SORCS2: variants seen among roughly 807,000 people sequenced by gnomAD.
SORCS2 encodes VPS10 domain-containing receptor SorCS2.
In SORCS2, 100 loss-of-function variants were observed where a neutral mutation model predicts 141.6. The observed-to-expected ratio is 0.71, with a 90% CI of 0.60 to 0.83. The LOEUF is 0.83. SORCS2 is among the 40% of genes least tolerant of loss of function. SORCS2 has a pLI of 0.00. For synonymous variants in SORCS2, 789 were observed against 676.9 expected (o/e 1.17, Z -2.57); for missense variants, 1,646 against 1,560.2 (o/e 1.05, Z -0.93).
chr4:7,642,667 C>G (rs1720823132), intron 4 of SORCS2, among the ~76,000 whole-genome samples: 3 of 152,152 alleles, frequency 2.0e-5, no homozygotes, highest in Admixed American at 1.3e-4. Context: ...CTGAGTAACA[C>G]ACAGCTCCAA....
intron 5 of SORCS2, among the ~76,000 whole-genome samples, chr4:7,655,228 G>C (rs572835994): frequency 7.8e-6 from 1 of 128,860 alleles, no homozygotes; most frequent in African/African-American, 4.1e-5. Flanking sequence ...CACACACACA[G>C]TGCTAGCCTT....
At chr4:7,661,926 C>T (rs1018104046) in intron 6 of SORCS2, among the ~76,000 whole-genome samples, 4 of 152,088 alleles carry the variant, frequency 2.6e-5, no homozygotes, top group South Asian at 2.1e-4. Flanking sequence ...TGCCCAGGGC[C>T]GTACATGCTG....
At chr4:7,682,478 G>A (rs986676993) in intron 9 of SORCS2, among the ~76,000 whole-genome samples, 22 of 152,172 alleles carry the variant, frequency 1.4e-4, no homozygotes, top group African/African-American at 5.1e-4. Context: ...CTGGACCTGG[G>A]AGAACAGCTC....
intron 2 of SORCS2, 103 bp downstream of exon 2, chr4:7,396,458 C>T: frequency 8.2e-7 from 1 of 1,225,084 alleles, no homozygotes; most frequent in South Asian, 1.4e-5. Flanking sequence ...GTGGCAGCCC[C>T]TGTGAGTCAG....
chr4:7,521,586 G>A (rs1047169744), intron 2 of SORCS2, among the ~76,000 whole-genome samples: 8 of 152,128 alleles, frequency 5.3e-5, no homozygotes, highest in South Asian at 2.1e-4. Context: ...GCGCCACAGC[G>A]GTCTGTGTGT....
intron 1 of SORCS2, among the ~76,000 whole-genome samples, chr4:7,212,673 C>T (rs1197180898): frequency 6.6e-6 from 1 of 152,274 alleles, no homozygotes; most frequent in East Asian, 1.9e-4. Context: ...CTGAGGCCCC[C>T]TGGCCTACTT....
chr4:7,491,342 G>A (rs1165383683), intron 2 of SORCS2, among the ~76,000 whole-genome samples: 1 of 152,188 alleles, frequency 6.6e-6, no homozygotes, highest in Non-Finnish European at 1.5e-5. Context: ...CTGGGCTGGG[G>A]CACCCCACCC....
chr4:7,239,449 C>G (rs1293834726), intron 1 of SORCS2, among the ~76,000 whole-genome samples: 3 of 152,276 alleles, frequency 2.0e-5, no homozygotes, highest in African/African-American at 7.2e-5. Context: ...CTCTTCCTCT[C>G]TCTCTTGCTT....
intron 1 of SORCS2, among the ~76,000 whole-genome samples, chr4:7,380,112 G>A (rs1467857625): frequency 2.0e-5 from 3 of 151,988 alleles, no homozygotes; most frequent in Non-Finnish European, 4.4e-5. Flanking sequence ...GCCTCAGAAA[G>A]CCCGGAGATG....
intron 2 of SORCS2, among the ~76,000 whole-genome samples, chr4:7,449,815 C>T (rs1225499827): frequency 6.6e-6 from 1 of 152,188 alleles, no homozygotes; most frequent in Non-Finnish European, 1.5e-5. Flanking sequence ...ACTAGCCAGA[C>T]ATTTCTTCAT....
intron 2 of SORCS2, among the ~76,000 whole-genome samples, chr4:7,516,153 A>G (rs941419506): frequency 6.6e-6 from 1 of 152,182 alleles, no homozygotes; most frequent in African/African-American, 2.4e-5. Flanking sequence ...AGAGGTGGCT[A>G]GAGAGCTGGT....
intron 9 of SORCS2, among the ~76,000 whole-genome samples, chr4:7,676,437 T>C (rs1723117467): frequency 2.0e-5 from 3 of 152,200 alleles, no homozygotes; most frequent in African/African-American, 4.8e-5. Flanking sequence ...AGAATTTCCT[T>C]CTTGAGGAAA....
chr4:7,475,639 G>C (rs1267143163), intron 2 of SORCS2, among the ~76,000 whole-genome samples: 2 of 152,234 alleles, frequency 1.3e-5, no homozygotes, highest in Non-Finnish European at 2.9e-5. Context: ...AGAGGAATCA[G>C]AACTCGTGAC....
At chr4:7,474,972 C>T (rs1300403594) in intron 2 of SORCS2, among the ~76,000 whole-genome samples, 1 of 152,132 alleles carries the variant, frequency 6.6e-6, no homozygotes, top group Non-Finnish European at 1.5e-5. Context: ...ACATGACTGT[C>T]CCTGCTGTGT....
chr4:7,528,915 C>T (rs1397915814), intron 2 of SORCS2, among the ~76,000 whole-genome samples: 1 of 152,300 alleles, frequency 6.6e-6, no homozygotes, highest in East Asian at 1.9e-4. Context: ...TGCCCAGGTC[C>T]TTGGTACCCT....
intron 1 of SORCS2, among the ~76,000 whole-genome samples, chr4:7,349,631 G>A (rs1245924692): frequency 6.6e-6 from 1 of 152,190 alleles, no homozygotes; most frequent in African/African-American, 2.4e-5. Context: ...GTGAGGGCTT[G>A]GACAAAGTGA....
intron 3 of SORCS2, among the ~76,000 whole-genome samples, chr4:7,594,154 A>C (rs922298518): frequency 6.6e-6 from 1 of 152,206 alleles, no homozygotes; most frequent in Non-Finnish European, 1.5e-5. Flanking sequence ...CTAGGCTGTC[A>C]GGGCGAGAGC....
rs529664978 is a variant in SORCS2 at position 7,657,588 on chromosome 4, A to G, written c.887+3381A>G. 1.2e-3 allele frequency among the ~76,000 whole-genome samples: 188 copies of G among 152,342 alleles called. 1 individual carries two copies. The highest frequency in any genetic ancestry group is 4.3e-3 in the African/African-American group (178 of 41,580). ...GAGCAAGTAACTGACTGAATGAATG[A>G]ATGAGCGGGTGAGTGAGTGGGTGAG... On this transcript the variant is annotated intron_variant, in intron 5 of 26. Coordinates refer to ENST00000507866, the MANE Select transcript of SORCS2 (RefSeq NM_020777.3).
At chr4:7,599,672 C>T (rs575080298) in intron 3 of SORCS2, among the ~76,000 whole-genome samples, 15 of 152,208 alleles carry the variant, frequency 9.9e-5, no homozygotes, top group Admixed American at 3.3e-4. Context: ...GGGCAGGTCT[C>T]GCCTCCCTCT....
Sources: gnomAD v4.1 joint callset for allele counts (sites outside exome capture counted in the v4.1 genomes callset) on GRCh38, gnomAD v4.1.1 for gene constraint, MANE v1.5 for transcripts, NCBI Gene and HGNC (gene_info 2026-07-23, HGNC 2026-07-21) for gene names.